The following MSI2 variants were observed in gnomAD, a reference collection of about 807,000 sequenced individuals.
MSI2 encodes the protein RNA-binding protein Musashi homolog 2.
Under a neutral mutation model 45.6 loss-of-function variants are expected in MSI2, and 17 were observed. The observed-to-expected ratio is 0.37, with a 90% CI of 0.26 to 0.56. The LOEUF (loss-of-function observed/expected upper bound fraction) is 0.56, where lower values mean the gene tolerates loss of function less well. Ranked by LOEUF, MSI2 falls within the 20% of genes least tolerant of loss-of-function variation. The pLI is 0.77. For missense variants in MSI2, 293 were observed against 444.2 expected (o/e 0.66, Z 3.06); for synonymous variants, 156 against 158.2 (o/e 0.99, Z 0.11).
At chr17:57,273,778 G>A (rs1013742716) in intron 5 of MSI2, among the ~76,000 whole-genome samples, 9 of 152,326 alleles carry the variant, frequency 5.9e-5, no homozygotes, top group African/African-American at 1.7e-4. Flanking sequence ...AGGTGCCGTG[G>A]AAACAGTCAC....
chr17:57,322,843 C>A (rs1475840677), intron 5 of MSI2, among the ~76,000 whole-genome samples: 1 of 152,178 alleles, frequency 6.6e-6, no homozygotes, highest in African/African-American at 2.4e-5. Flanking sequence ...GCTGTGGCAA[C>A]TGCAGGTCTT....
chr17:57,380,725 T>A (rs1402999330), intron 5 of MSI2, among the ~76,000 whole-genome samples: 2 of 152,122 alleles, frequency 1.3e-5, no homozygotes, highest in South Asian at 2.1e-4. Flanking sequence ...AGCACCTGGG[T>A]GCTTTGAATT....
chr17:57,257,211 T>TCGGGGGGGGGGGG, intron 2 of MSI2, 73 bp downstream of exon 2: 1 of 569,830 alleles, frequency 1.8e-6, no homozygotes, highest in Admixed American at 5.1e-5. Flanking sequence ...TATCCCGGTG[T>TCGGGGGGGGGGGG]AGGAGCCCCC....
At chr17:57,668,632 G>A (rs12603880) in intron 11 of MSI2, among the ~76,000 whole-genome samples, 1 of 152,014 alleles carries the variant, frequency 6.6e-6, no homozygotes, top group African/African-American at 2.4e-5. Flanking sequence ...CTCACCATGT[G>A]TCCCGTGCAG....
intron 6 of MSI2, among the ~76,000 whole-genome samples, chr17:57,456,652 T>C (rs1433230235): frequency 1.3e-5 from 2 of 151,770 alleles, no homozygotes; most frequent in African/African-American, 2.4e-5. Flanking sequence ...GAGATGGCTG[T>C]GCAGATTTAG....
At chr17:57,517,835 A>G (rs578065924) in intron 6 of MSI2, among the ~76,000 whole-genome samples, 1 of 152,202 alleles carries the variant, frequency 6.6e-6, no homozygotes, top group Middle Eastern at 3.4e-3. Flanking sequence ...TCTGGGACCC[A>G]ACAGACCAGA....
At chr17:57,512,985 T>TTC (rs3059048) in intron 6 of MSI2, among the ~76,000 whole-genome samples, 43 of 142,052 alleles carry the variant, frequency 3.0e-4, no homozygotes, top group African/African-American at 1.1e-3. Context: ...TTTTTTTTTT[T>TTC]CCTTCTGAGA....
rs551980262 is a variant in MSI2 at position 57,501,711 on chromosome 17, G to A, written c.406-27965G>A. ...CTGTCAGGGTGAACCAAGTTCAGCC[G>A]TTGGCAACGAGACGGACCTAGAATA... On this transcript the variant is annotated intron_variant, in intron 6 of 13. Transcript: ENST00000284073. 2.2e-4 allele frequency among the ~76,000 whole-genome samples: 33 copies of A among 152,284 alleles called. No individual in the cohort carries two copies. In the South Asian group the frequency reaches 3.1e-3, roughly 14 times the overall value.
intron 7 of MSI2, among the ~76,000 whole-genome samples, chr17:57,570,807 A>G (rs1032010725): frequency 7.9e-5 from 12 of 152,210 alleles, no homozygotes; most frequent in African/African-American, 2.9e-4. Flanking sequence ...GATGCATGGT[A>G]TGCAGAAGGC....
intron 6 of MSI2, among the ~76,000 whole-genome samples, chr17:57,436,818 A>G (rs1398017795): frequency 1.3e-5 from 2 of 152,210 alleles, no homozygotes; most frequent in Non-Finnish European, 2.9e-5. Flanking sequence ...GCCCAAGGTC[A>G]GACAGGGTTA....
At chr17:57,656,972 C>T (rs1369811352) in intron 11 of MSI2, among the ~76,000 whole-genome samples, 1 of 152,146 alleles carries the variant, frequency 6.6e-6, no homozygotes, top group Non-Finnish European at 1.5e-5. Context: ...GTGCCTGCCT[C>T]CTGGAACCTG....
chr17:57,688,954 A>G (rs915337816), downstream of MSI2, among the ~76,000 whole-genome samples: 1 of 152,252 alleles, frequency 6.6e-6, no homozygotes, highest in Non-Finnish European at 1.5e-5. Context: ...GCTGGGATCC[A>G]CATTCCAGTA....
chr17:57,380,988 C>A (rs2083588853), intron 5 of MSI2, among the ~76,000 whole-genome samples: 1 of 152,128 alleles, frequency 6.6e-6, no homozygotes, highest in African/African-American at 2.4e-5. Context: ...CTTACACATA[C>A]CCCCAGCTCC....
At chr17:57,424,773 T>C (rs78915042) in intron 6 of MSI2, among the ~76,000 whole-genome samples, 5,395 of 152,134 alleles carry the variant, frequency 0.035, 112 homozygotes, top group Middle Eastern at 0.088. Context: ...GTGGCCTCTG[T>C]GCCTGATGAC....
At chr17:57,303,636 T>C (rs1352088935) in intron 5 of MSI2, among the ~76,000 whole-genome samples, 1 of 152,258 alleles carries the variant, frequency 6.6e-6, no homozygotes, top group Non-Finnish European at 1.5e-5. Context: ...CAAATAATCC[T>C]GGCCTCAGCG....
At chr17:57,648,132 CGTGTGTGTGTGTGTGT>C (rs765039915) in intron 10 of MSI2, among the ~76,000 whole-genome samples, 19 of 116,250 alleles carry the variant, frequency 1.6e-4, no homozygotes, top group South Asian at 3.4e-4. Context: ...CTGGCTAATT[CGTGTGTGTGTGTGTGT>C]GTGTGTGTGT....
At chr17:57,451,586 G>A (rs1173320652) in intron 6 of MSI2, among the ~76,000 whole-genome samples, 5 of 152,142 alleles carry the variant, frequency 3.3e-5, no homozygotes, top group African/African-American at 1.2e-4. Flanking sequence ...AGCTGTTGCT[G>A]GATCTTCACA....
chr17:57,517,968 C>G (rs2086505629), intron 6 of MSI2, among the ~76,000 whole-genome samples: 1 of 152,202 alleles, frequency 6.6e-6, no homozygotes, highest in African/African-American at 2.4e-5. Flanking sequence ...GCTCTGCAAC[C>G]AACTCTGCGT....
intron 6 of MSI2, among the ~76,000 whole-genome samples, chr17:57,476,383 G>A (rs1473448512): frequency 6.6e-6 from 1 of 152,176 alleles, no homozygotes; most frequent in Non-Finnish European, 1.5e-5. Flanking sequence ...TCACATAGGT[G>A]GGAGCCTTCA....
Sources: gnomAD v4.1 joint callset for allele counts (sites outside exome capture counted in the v4.1 genomes callset) on GRCh38, gnomAD v4.1.1 for gene constraint, MANE v1.5 for transcripts, NCBI Gene and HGNC (gene_info 2026-07-23, HGNC 2026-07-21) for gene names.